The following DMD variants were observed in gnomAD, a reference collection of about 807,000 sequenced individuals.
DMD encodes dystrophin, also known as mutant dystrophin.
A neutral mutation model predicts 330.1 loss-of-function variants in DMD; 63 were observed. That is an observed-to-expected ratio of 0.19 (90% confidence interval 0.16 to 0.24). DMD has a LOEUF of 0.24. DMD is among the 10% of genes least tolerant of loss of function. DMD has a pLI of 1.00. For synonymous variants in DMD, 1,223 were observed against 959.8 expected (o/e 1.27, Z -5.07); for missense variants, 3,344 against 2,684.1 (o/e 1.25, Z -5.43).
At chrX:32,500,858 T>TA (rs778512393) in intron 19 of DMD, among the ~76,000 whole-genome samples, 152 of 111,949 alleles carry the variant, frequency 1.4e-3, no homozygotes, top group African/African-American at 4.6e-3. Flanking sequence ...AATTTGCAAT[T>TA]AAGGCAAAAA....
At chrX:32,332,068 A>G (rs1603630929) in intron 41 of DMD, among the ~76,000 whole-genome samples, 1 of 111,905 alleles carries the variant, frequency 8.9e-6, no homozygotes, top group South Asian at 3.7e-4. Context: ...CAAAAATTGT[A>G]TACTTCTATC....
intron 26 of DMD, among the ~76,000 whole-genome samples, chrX:32,450,929 G>T (rs1027801749): frequency 8.1e-5 from 9 of 110,870 alleles, no homozygotes; most frequent in Non-Finnish European, 1.7e-4. Flanking sequence ...ATTAATCCAG[G>T]TACATATGAG....
chrX:32,577,986 A>T (rs2053247705), intron 13 of DMD, among the ~76,000 whole-genome samples: 1 of 112,484 alleles, frequency 8.9e-6, no homozygotes, highest in Non-Finnish European at 1.9e-5. Context: ...GCTTAGCAAT[A>T]TTGGCCTTAA....
intron 60 of DMD, among the ~76,000 whole-genome samples, chrX:31,354,279 C>T (rs980050381): frequency 6.3e-5 from 7 of 111,762 alleles, no homozygotes; most frequent in African/African-American, 9.7e-5. Flanking sequence ...TGTTTATTCA[C>T]GGATCTTTAC....
chrX:31,191,043 G>A (rs1346166107), intron 67 of DMD, among the ~76,000 whole-genome samples: 1 of 111,995 alleles, frequency 8.9e-6, no homozygotes, highest in Non-Finnish European at 1.9e-5. Flanking sequence ...CGCTAAAATT[G>A]TAGACTCAGA....
chrX:31,227,310 G>C (rs1377575498), intron 63 of DMD, among the ~76,000 whole-genome samples: 2 of 111,522 alleles, frequency 1.8e-5, no homozygotes, highest in African/African-American at 6.5e-5. Flanking sequence ...GATTCTTTCA[G>C]GGCATGAATA....
chrX:31,826,906 T>G (rs1186782979), intron 49 of DMD, among the ~76,000 whole-genome samples: 1 of 111,937 alleles, frequency 8.9e-6, no homozygotes, highest in Non-Finnish European at 1.9e-5. Context: ...ATGGATAAAC[T>G]TTGGGAATTC....
intron 1 of DMD, among the ~76,000 whole-genome samples, chrX:33,056,401 C>T (rs1399052531): frequency 3.7e-5 from 4 of 108,270 alleles, no homozygotes; most frequent in Admixed American, 3.0e-4. Flanking sequence ...GCTCTCTTTG[C>T]CCAGGCTGGA....
At chrX:32,342,378 G>C in intron 40 of DMD, 96 bp from the exon 41 acceptor site, 1 of 945,736 alleles carries the variant, frequency 1.1e-6, no homozygotes, top group Non-Finnish European at 1.5e-6. Context: ...TTCAAAGGCT[G>C]TTGTCCCTTT....
At chrX:32,133,128 C>T (rs1448004040) in intron 44 of DMD, among the ~76,000 whole-genome samples, 1 of 108,163 alleles carries the variant, frequency 9.2e-6, no homozygotes, top group Non-Finnish European at 1.9e-5. Flanking sequence ...TCTGCCTCAG[C>T]CTCCAGAGCA....
chrX:33,024,145 C>T (rs940086098), intron 1 of DMD, among the ~76,000 whole-genome samples: 42 of 111,755 alleles, frequency 3.8e-4, no homozygotes, highest in African/African-American at 1.3e-3. Context: ...AACATGATGT[C>T]TATTTCTGTA....
At chrX:32,955,743 A>G (rs1221398509) in intron 2 of DMD, among the ~76,000 whole-genome samples, 2 of 111,730 alleles carry the variant, frequency 1.8e-5, no homozygotes, top group African/African-American at 6.5e-5. Context: ...TCCAGTTTCT[A>G]TCTTCTGCAT....
At chrX:32,105,400 A>G (rs1188328960) in intron 44 of DMD, among the ~76,000 whole-genome samples, 1 of 112,348 alleles carries the variant, frequency 8.9e-6, no homozygotes, top group Non-Finnish European at 1.9e-5. Flanking sequence ...TAACATTTAT[A>G]GCTTAAAATG....
In DMD at chrX:32,166,368, G is replaced by A. The variant is rs970557195; in HGVS notation, c.6438+50548C>T. 1.7e-4 allele frequency among the ~76,000 whole-genome samples: 19 copies of A among 110,494 alleles called. No individual in the cohort carries two copies. In the Admixed American group the frequency reaches 1.7e-3, roughly 10 times the overall value. ...GCTACTTGGGAGGCTGATGTGGGAG[G>A]ATCATCTGAGCCCAGGGAGGTCAAG... On this transcript the variant is annotated intron_variant, in intron 44 of 78. Coordinates refer to ENST00000357033, the MANE Select transcript of DMD (RefSeq NM_004006.3).
At chrX:31,546,186 T>C (rs2074132206) in intron 55 of DMD, among the ~76,000 whole-genome samples, 1 of 112,706 alleles carries the variant, frequency 8.9e-6, no homozygotes, top group South Asian at 3.6e-4. Context: ...TTATGAGTAC[T>C]TAATTGTGTT....
chrX:32,025,753 G>A lies in DMD; in HGVS notation c.6439-57239C>T, dbSNP rs913837604. Among the ~76,000 whole-genome samples the A allele has an allele frequency of 2.7e-5, 3 of 111,599 alleles. No individual in the cohort carries two copies. The Admixed American group carries it at 2.9e-4, about 11-fold the overall frequency. On this transcript the variant is annotated intron_variant, in intron 44 of 78. Transcript: ENST00000357033. Reference sequence around the variant, plus strand: ...TTACCTGAGAAGTGTGGCACAGTAGGAATAAAAACACGGTCAGAGTTAGCA... The same window carrying A: ...TTACCTGAGAAGTGTGGCACAGTAGAAATAAAAACACGGTCAGAGTTAGCA...
chrX:31,695,303 G>A (rs1603448778), intron 52 of DMD, among the ~76,000 whole-genome samples: 1 of 110,891 alleles, frequency 9.0e-6, no homozygotes, highest in South Asian at 3.8e-4. Flanking sequence ...GATAGGTGGG[G>A]ATTGTTAGCG....
At chrX:32,909,005 T>A (rs780825271) in intron 2 of DMD, among the ~76,000 whole-genome samples, 34 of 111,048 alleles carry the variant, frequency 3.1e-4, no homozygotes, top group Non-Finnish European at 4.3e-4. Flanking sequence ...AATGGGTTAA[T>A]TACATCTGAA....
chrX:32,486,617 T>A (rs2042499496), intron 20 of DMD, among the ~76,000 whole-genome samples: 1 of 109,446 alleles, frequency 9.1e-6, no homozygotes, highest in Non-Finnish European at 1.9e-5. Context: ...AAGGCTACAG[T>A]AACCAAAACA....
Sources: allele counts gnomAD v4.1 joint callset (sites outside exome capture counted in the v4.1 genomes callset), GRCh38; gene constraint gnomAD v4.1.1; transcripts MANE v1.5; gene names NCBI Gene and HGNC (gene_info 2026-07-23, HGNC 2026-07-21).